STIL: variants seen among roughly 807,000 people sequenced by gnomAD.
STIL encodes SCL-interrupting locus protein.
A neutral mutation model predicts 110.1 loss-of-function variants in STIL; 55 were observed. That is an observed-to-expected ratio of 0.50 (90% CI 0.40 to 0.63). The LOEUF is 0.63. Among genes scored for constraint, STIL ranks in the 20% least tolerant of loss-of-function variants. The probability of loss-of-function intolerance (pLI) is 0.00; values close to 1 mark genes in which losing one functional copy is unlikely to be tolerated. For missense variants in STIL, 1,358 were observed against 1,530.0 expected (o/e 0.89, Z 1.87); for synonymous variants, 481 against 530.0 (o/e 0.91, Z 1.27).
chr1:47,304,620 A>G (rs1341616102), intron 3 of STIL, among the ~76,000 whole-genome samples: 1 of 152,220 alleles, frequency 6.6e-6, no homozygotes, highest in Non-Finnish European at 1.5e-5. Flanking sequence ...CTGACATAAT[A>G]AAAAACACTT....
At chr1:47,290,982 A>C (rs1247059018) in intron 8 of STIL, among the ~76,000 whole-genome samples, 1 of 152,142 alleles carries the variant, frequency 6.6e-6, no homozygotes, top group Non-Finnish European at 1.5e-5. Context: ...TACACTTAAC[A>C]CATCCTTTGC....
At chr1:47,255,505 T>C (rs1241589190) in intron 16 of STIL, among the ~76,000 whole-genome samples, 2 of 144,508 alleles carry the variant, frequency 1.4e-5, no homozygotes, top group African/African-American at 5.1e-5. Context: ...GCCATGATTG[T>C]GCCACTGCAC....
chr1:47,285,463 T>C (rs1645270057), intron 10 of STIL, among the ~76,000 whole-genome samples: 1 of 152,186 alleles, frequency 6.6e-6, no homozygotes. Context: ...ATAATATCTT[T>C]TTTATTTTTT....
Position 47,251,118 on chromosome 1 carries a change from G to T in STIL, c.*18C>A. ...GAGACACCCTGTCCCTGTATTAAAA[G>T]GGCAGGGAGTTAAAAGGTTAAAATA... On this transcript the variant is annotated 3_prime_UTR_variant, in exon 17 of 17. Coordinates refer to ENST00000371877, the MANE Select transcript of STIL (RefSeq NM_001048166.1). The T allele has an allele frequency of 6.2e-7, 1 of 1,610,592 alleles. No homozygotes were observed. Among genetic ancestry groups the T allele is most frequent in the South Asian group, 1.1e-5 (1 of 90,642 alleles).
chr1:47,301,505 T>G (rs957090575), intron 5 of STIL, 56 bp downstream of exon 5: 40 of 1,494,188 alleles, frequency 2.7e-5, no homozygotes, highest in Non-Finnish European at 3.7e-5. Flanking sequence ...TACAGCATAC[T>G]AAACATAGTT....
chr1:47,260,795 G>A (rs767787674), intron 15 of STIL, among the ~76,000 whole-genome samples: 16 of 152,160 alleles, frequency 1.1e-4, no homozygotes, highest in Admixed American at 9.2e-4. Context: ...CTTGAGCCAC[G>A]AGGCTGAGGC....
chr1:47,260,890 A>T (rs1644465834), intron 15 of STIL, among the ~76,000 whole-genome samples: 1 of 152,170 alleles, frequency 6.6e-6, no homozygotes, highest in South Asian at 2.1e-4. Flanking sequence ...AAAAAAAGTT[A>T]AAAAACAATT....
chr1:47,300,151 G>A lies in STIL; in HGVS notation c.455C>T (p.Ala152Val), dbSNP rs759537242. 2 of 1,612,658 alleles carry A rather than the reference G, an allele frequency of 1.2e-6. No homozygotes were observed. Among genetic ancestry groups the A allele is most frequent in the South Asian group, 2.2e-5 (2 of 90,558 alleles). ...TTTGCTACATATATGGCACTGTAGAGCCTGAGAAATCAATATTAAATAATT... is the reference window on the plus strand; with the variant it reads ...TTTGCTACATATATGGCACTGTAGAACCTGAGAAATCAATATTAAATAATT... ...SVDDFSSALK[A>V]LQCHICSKDS... is the part of the protein sequence containing the mutation. Residue 152 changes from alanine (A) to valine (V), a missense_variant and splice_region_variant, in exon 6 of 17, where the codon GCT becomes GTT. By Grantham distance (64) the Ala-to-Val change is moderately conservative (BLOSUM62 0). Transcript: ENST00000371877.
rs1645127067 is a variant in STIL at position 47,280,509 on chromosome 1, G to A, written c.1949C>T (p.Ala650Val). Residue 650 changes from alanine to valine, a missense_variant, in exon 12 of 17, where the codon GCC (alanine) becomes GTC (valine). Ala to Val is a moderately conservative substitution (Grantham distance 64, BLOSUM62 0). Coordinates refer to ENST00000371877, the MANE Select transcript of STIL (RefSeq NM_001048166.1). ...AGAACAGAATGCATTACAGTACAGG[G>A]CTGGACATCCACTTGGGTGAAATAA... ...HSLFHPSGCPALYCNAFCSSS... is the reference protein window; with the variant it reads ...HSLFHPSGCPVLYCNAFCSSS... The A allele has an allele frequency of 1.2e-6, 2 of 1,614,144 alleles. No homozygotes were observed. The highest frequency in any genetic ancestry group is 1.7e-6 in the Non-Finnish European group (2 of 1,180,058).
Position 47,251,557 on chromosome 1 carries a change from T to A in STIL, c.3446A>T (p.Lys1149Met). 6.2e-7 allele frequency: 1 copy of A among 1,614,154 alleles called. No homozygotes were observed. Among genetic ancestry groups the A allele is most frequent in the Non-Finnish European group, 8.5e-7 (1 of 1,179,994 alleles). Residue 1149 changes from lysine to methionine, a missense_variant, in exon 17 of 17, where the codon AAG becomes ATG. Transcript: ENST00000371877. ...GTTCTGATTCAATAAATATTCACTC[T>A]TGCTATCTGCATTGTCGGGAGGTTC... The part of the protein sequence containing the change: ...EEEPPDNADS[K>M]SEYLLNQNLR...
chr1:47,287,273 A>T (rs1369392385), intron 10 of STIL, among the ~76,000 whole-genome samples: 2 of 152,130 alleles, frequency 1.3e-5, no homozygotes, highest in Non-Finnish European at 1.5e-5. Flanking sequence ...CAGGGAGCAG[A>T]TTCTTGCTAA....
chr1:47,263,744 G>GTTTTTTTTTTTTTTTTT lies in STIL; in HGVS notation c.2616-645_2616-629dup, dbSNP rs60915271. The stretch of plus-strand genomic sequence containing the variant: ...TAGGTATGTTATTTGTTCATTCCAA[G>GTTTTTTTTTTTTTTTTT]TTTTTTTTTTTTTTTTTTTTTTTTT... On this transcript the variant is annotated intron_variant, in intron 14 of 16. Transcript: ENST00000371877. 5.1e-5 allele frequency among the ~76,000 whole-genome samples: 5 copies of GTTTTTTTTTTTTTTTTT among 98,310 alleles called. 1 individual carries two copies. Among genetic ancestry groups the GTTTTTTTTTTTTTTTTT allele is most frequent in the African/African-American group, 8.4e-5 (2 of 23,700 alleles). 64.5% of individuals were successfully genotyped at this position (98,310 alleles called of 152,430 possible). A position where few individuals can be genotyped will look rare whatever the true frequency, so the allele number is the denominator to read the frequency against.
At chr1:47,270,236 AAAAAAAT>A (rs1328254100) in intron 13 of STIL, among the ~76,000 whole-genome samples, 1 of 103,322 alleles carries the variant, frequency 9.7e-6, no homozygotes, top group Non-Finnish European at 1.9e-5. Context: ...TCAAAAAAAA[AAAAAAAT>A]ATATATATAT....
chr1:47,269,705 C>T lies in STIL; in HGVS notation c.2545G>A (p.Asp849Asn). 1 of 1,614,144 alleles carries T rather than the reference C, an allele frequency of 6.2e-7. No individual in the cohort carries two copies. The highest frequency in any genetic ancestry group is 8.5e-7 in the Non-Finnish European group (1 of 1,180,018). The change falls in exon 14 of 17, where the codon GAT (aspartate) becomes AAT (asparagine). Residue 849 changes from aspartate to asparagine, a missense_variant. Transcript: ENST00000371877. ...PGSASSLKAV[D>N]IPSFEESNIA... Reference sequence around the variant, plus strand: ...TTGCTCTCTTCAAAACTGGGAATATCAACTGCTTTTAATGAAGATGCACTA... The same window carrying T: ...TTGCTCTCTTCAAAACTGGGAATATTAACTGCTTTTAATGAAGATGCACTA...
chr1:47,303,755 T>C (rs533609059), intron 3 of STIL, among the ~76,000 whole-genome samples: 1 of 152,330 alleles, frequency 6.6e-6, no homozygotes, highest in East Asian at 1.9e-4. Context: ...TTGTCAATGG[T>C]ACCACCCTTC....
At chr1:47,297,276 A>T (rs1382213135) in intron 6 of STIL, among the ~76,000 whole-genome samples, 1 of 151,394 alleles carries the variant, frequency 6.6e-6, no homozygotes, top group Non-Finnish European at 1.5e-5. Flanking sequence ...CAGGAGGTGG[A>T]GGTTGCTGCA....
chr1:47,263,486 T>C (rs1644541555), intron 14 of STIL, among the ~76,000 whole-genome samples: 1 of 152,178 alleles, frequency 6.6e-6, no homozygotes, highest in African/African-American at 2.4e-5. Flanking sequence ...GAGGCTGCAG[T>C]GAGCTATGAT....
At chr1:47,259,840 C>T (rs1644433850) in intron 16 of STIL, among the ~76,000 whole-genome samples, 1 of 152,128 alleles carries the variant, frequency 6.6e-6, no homozygotes, top group Non-Finnish European at 1.5e-5. Context: ...AAGGACATGA[C>T]CAGTTGGGCA....
At chr1:47,262,213 T>A (rs551644806) in intron 15 of STIL, among the ~76,000 whole-genome samples, 6 of 152,320 alleles carry the variant, frequency 3.9e-5, no homozygotes, top group African/African-American at 1.2e-4. Context: ...TAGGGCCCTG[T>A]GAAGTATGTT....
Sources: gnomAD v4.1 joint callset for allele counts (sites outside exome capture counted in the v4.1 genomes callset) on GRCh38, gnomAD v4.1.1 for gene constraint, MANE v1.5 for transcripts, NCBI Gene and HGNC (gene_info 2026-07-23, HGNC 2026-07-21) for gene names.